The following MEIKIN variants were observed in gnomAD, a reference collection of about 807,000 sequenced individuals.
MEIKIN encodes meiotic kinetochore factor, also known as meiosis-specific kinetochore protein.
chr5:131,829,573 C>T (rs1191617328), intron 11 of MEIKIN, among the ~76,000 whole-genome samples: 2 of 151,946 alleles, frequency 1.3e-5, no homozygotes, highest in South Asian at 2.1e-4. Context: ...TATAGGCAAT[C>T]GGCAAAGAGT....
chr5:131,881,124 G>T (rs1750696526), intron 8 of MEIKIN, among the ~76,000 whole-genome samples: 1 of 152,110 alleles, frequency 6.6e-6, no homozygotes, highest in Non-Finnish European at 1.5e-5. Context: ...TTAGATATTA[G>T]CCTGAAAAAT....
At chr5:131,876,183 G>A (rs890551236) in intron 9 of MEIKIN, among the ~76,000 whole-genome samples, 2 of 152,044 alleles carry the variant, frequency 1.3e-5, no homozygotes, top group Non-Finnish European at 2.9e-5. Flanking sequence ...CACAGCAAAA[G>A]AAACTACCAT....
chr5:131,824,770 T>C (rs907947790), intron 11 of MEIKIN, among the ~76,000 whole-genome samples: 2 of 152,020 alleles, frequency 1.3e-5, no homozygotes, highest in African/African-American at 2.4e-5. Flanking sequence ...ATAACTACCA[T>C]TCCAGAGAGA....
chr5:131,886,667 A>C (rs927679697), intron 8 of MEIKIN, among the ~76,000 whole-genome samples: 43 of 152,234 alleles, frequency 2.8e-4, no homozygotes, highest in African/African-American at 1.0e-3. Flanking sequence ...AGAATACTTC[A>C]TTTACAAAGA....
intron 8 of MEIKIN, among the ~76,000 whole-genome samples, chr5:131,881,268 A>G (rs904688422): frequency 6.6e-5 from 10 of 152,308 alleles, no homozygotes; most frequent in African/African-American, 2.4e-4. Context: ...CTCAATCCTC[A>G]TTTGATTTCA....
At chr5:131,921,212 A>G (rs1489119801) in intron 6 of MEIKIN, among the ~76,000 whole-genome samples, 1 of 152,248 alleles carries the variant, frequency 6.6e-6, no homozygotes, top group South Asian at 2.1e-4. Context: ...AAATAGTTCA[A>G]AATAAAAAGT....
intron 9 of MEIKIN, among the ~76,000 whole-genome samples, chr5:131,864,565 G>T (rs1580878413): frequency 6.6e-6 from 1 of 152,190 alleles, no homozygotes; most frequent in South Asian, 2.1e-4. Context: ...TTCCTGGCCT[G>T]TAAGGCTTCT....
intron 5 of MEIKIN, 69 bp downstream of exon 5, chr5:131,933,444 T>C (rs1431844173): frequency 5.1e-6 from 2 of 391,762 alleles, no homozygotes; most frequent in Non-Finnish European, 9.0e-6. Context: ...CGTTTATTCA[T>C]TGGAGGATTT....
At chr5:131,835,907 T>C (rs1011280519) in intron 11 of MEIKIN, among the ~76,000 whole-genome samples, 4 of 152,162 alleles carry the variant, frequency 2.6e-5, no homozygotes, top group Non-Finnish European at 5.9e-5. Flanking sequence ...CTGTCTTTTT[T>C]TAACTTTTAA....
intron 9 of MEIKIN, among the ~76,000 whole-genome samples, chr5:131,870,646 A>C (rs907413420): frequency 6.6e-6 from 1 of 152,200 alleles, no homozygotes; most frequent in African/African-American, 2.4e-5. Flanking sequence ...TTATCCACTA[A>C]AGATGCTCAA....
chr5:131,874,669 A>G (rs1021792561), intron 9 of MEIKIN, among the ~76,000 whole-genome samples: 23 of 152,228 alleles, frequency 1.5e-4, no homozygotes, highest in South Asian at 2.1e-4. Context: ...TCCTGATACC[A>G]AAGTCTGGCA....
At chr5:131,826,254 A>C (rs193260510) in intron 11 of MEIKIN, among the ~76,000 whole-genome samples, 1 of 151,922 alleles carries the variant, frequency 6.6e-6, no homozygotes, top group African/African-American at 2.4e-5. Context: ...AATGAAGAAA[A>C]ATGATCTGAG....
chr5:131,922,180 A>C (rs1751516590), intron 5 of MEIKIN, among the ~76,000 whole-genome samples: 1 of 152,160 alleles, frequency 6.6e-6, no homozygotes, highest in Admixed American at 6.5e-5. Context: ...CGGATTATTG[A>C]TCTAAGAGAC....
intron 8 of MEIKIN, among the ~76,000 whole-genome samples, chr5:131,881,682 T>TA (rs1561742846): frequency 6.6e-6 from 1 of 152,134 alleles, no homozygotes; most frequent in African/African-American, 2.4e-5. Context: ...ATACCATATA[T>TA]ATAATAACAG....
intron 9 of MEIKIN, among the ~76,000 whole-genome samples, chr5:131,857,837 C>G (rs1750221923): frequency 6.6e-6 from 1 of 152,228 alleles, no homozygotes; most frequent in African/African-American, 2.4e-5. Context: ...GCCTCTCCAC[C>G]ACTGCTGGTG....
At chr5:131,847,469 ACT>A (rs970395962) in intron 11 of MEIKIN, among the ~76,000 whole-genome samples, 8 of 152,102 alleles carry the variant, frequency 5.3e-5, no homozygotes, top group African/African-American at 1.9e-4. Flanking sequence ...TTAATAAAAG[ACT>A]CAAGATAGCA....
intron 9 of MEIKIN, among the ~76,000 whole-genome samples, chr5:131,873,774 C>A (rs55748662): frequency 0.027 from 4,044 of 152,238 alleles, 190 homozygotes; most frequent in African/African-American, 0.092. Flanking sequence ...TGTAAAAGAA[C>A]AGAAATTATA....
At chr5:131,850,023 C>A (rs1480302905) in intron 11 of MEIKIN, among the ~76,000 whole-genome samples, 8 of 148,754 alleles carry the variant, frequency 5.4e-5, no homozygotes, top group African/African-American at 2.0e-4. Flanking sequence ...TACACACTAA[C>A]ATAAGCAATT....
chr5:131,864,904 T>C (rs549388394), intron 9 of MEIKIN, among the ~76,000 whole-genome samples: 1 of 152,340 alleles, frequency 6.6e-6, no homozygotes, highest in South Asian at 2.1e-4. Flanking sequence ...GCATTGCTCA[T>C]TCTTGTTAAT....
Sources: allele counts gnomAD v4.1 joint callset (sites outside exome capture counted in the v4.1 genomes callset), GRCh38; gene constraint gnomAD v4.1.1; transcripts MANE v1.5; gene names NCBI Gene and HGNC (gene_info 2026-07-23, HGNC 2026-07-21).